NRP1: variants seen among roughly 807,000 people sequenced by gnomAD.
NRP1 encodes neuropilin-1.
In NRP1, 35 loss-of-function variants were observed where a neutral mutation model predicts 106.7. The ratio of observed to expected loss-of-function variants is 0.33; its 90% CI spans 0.25 to 0.43. NRP1 has a LOEUF of 0.43. NRP1 is among the 20% of genes least tolerant of loss of function. The pLI, the probability that NRP1 is intolerant of heterozygous loss-of-function variation, is 1.00. For synonymous variants in NRP1, 437 were observed against 417.9 expected, an observed-to-expected ratio of 1.05 and a Z score of -0.56; for missense variants, 1,024 against 1,170.4, an observed-to-expected ratio of 0.87 and a Z score of 1.83.
At chr10:33,333,173 A>G (rs1426135811) in intron 1 of NRP1, among the ~76,000 whole-genome samples, 3 of 152,292 alleles carry the variant, frequency 2.0e-5, no homozygotes, top group East Asian at 3.9e-4. Flanking sequence ...CTTTCCTGCC[A>G]GATTATAGAA....
intron 8 of NRP1, among the ~76,000 whole-genome samples, chr10:33,220,900 C>CAAAAA (rs35895871): frequency 6.6e-5 from 4 of 60,674 alleles, no homozygotes; most frequent in Admixed American, 2.0e-4. Flanking sequence ...GGCTCAGTCT[C>CAAAAA]AAAAAAAAAA....
chr10:33,182,286 G>A (rs577628691), intron 16 of NRP1, among the ~76,000 whole-genome samples: 1 of 152,272 alleles, frequency 6.6e-6, no homozygotes, highest in African/African-American at 2.4e-5. Context: ...ATCCTAGCTG[G>A]ATATCAACAA....
At chr10:33,261,726 C>A (rs1842587198) in intron 4 of NRP1, among the ~76,000 whole-genome samples, 1 of 152,040 alleles carries the variant, frequency 6.6e-6, no homozygotes, top group African/African-American at 2.4e-5. Flanking sequence ...AAGGCAATCT[C>A]CTTTACATTT....
At chr10:33,249,117 G>T (rs1841657488) in intron 6 of NRP1, among the ~76,000 whole-genome samples, 1 of 99,674 alleles carries the variant, frequency 1.0e-5, no homozygotes, top group African/African-American at 4.6e-5. Flanking sequence ...TTGTCTCCTG[G>T]CATTTTAATC....
intron 4 of NRP1, among the ~76,000 whole-genome samples, chr10:33,258,610 A>G (rs1336290740): frequency 6.6e-6 from 1 of 152,206 alleles, no homozygotes; most frequent in Non-Finnish European, 1.5e-5. Context: ...GGCAGAAGAA[A>G]GCATCTCAGA....
At chr10:33,208,805 AGAACC>A (rs1295202863) in intron 9 of NRP1, among the ~76,000 whole-genome samples, 9 of 152,104 alleles carry the variant, frequency 5.9e-5, no homozygotes, top group African/African-American at 1.9e-4. Context: ...TTGTTTATAT[AGAACC>A]TAATCTATGA....
At chr10:33,238,415 T>C (rs1158347566) in intron 6 of NRP1, among the ~76,000 whole-genome samples, 2 of 152,214 alleles carry the variant, frequency 1.3e-5, no homozygotes, top group Non-Finnish European at 2.9e-5. Context: ...TAATATCCAG[T>C]CCAGTGTGGA....
rs562517886 is a variant in NRP1 at position 33,302,090 on chromosome 10, A to T, written c.248+28618T>A. ...ACTTAGTACAGAGTCTCTGTATAAT[A>T]AAAAAAAATTTCCAATTTCTCCAAA... On this transcript the variant is annotated intron_variant, in intron 2 of 16. Transcript: ENST00000374867. Among the ~76,000 whole-genome samples the T allele has an allele frequency of 2.6e-5, 4 of 151,948 alleles. No individual in the cohort carries two copies. In the South Asian group the frequency reaches 8.3e-4, roughly 32 times the overall value.
chr10:33,255,308 G>A (rs1588857028), intron 5 of NRP1, among the ~76,000 whole-genome samples: 1 of 152,038 alleles, frequency 6.6e-6, no homozygotes, highest in African/African-American at 2.4e-5. Context: ...AATTTCACTG[G>A]CCTCTTTATT....
rs1160989838 is a variant in NRP1 at position 33,303,504 on chromosome 10, A to C, written c.248+27204T>G. On this transcript the variant is annotated intron_variant, in intron 2 of 16. Coordinates refer to ENST00000374867, the MANE Select transcript of NRP1 (RefSeq NM_003873.7). The stretch of plus-strand genomic sequence containing the variant: ...CCTTCCATACTTTTTAGGTACGAGC[A>C]TCGGTAAACAGTTTCGTATTTAAAC... Among the ~76,000 whole-genome samples, 4 of 152,338 alleles carry C rather than the reference A, an allele frequency of 2.6e-5. No individual in the cohort carries two copies. The East Asian group carries it at 5.8e-4, about 22-fold the overall frequency.
chr10:33,293,668 G>T (rs187794398), intron 2 of NRP1, among the ~76,000 whole-genome samples: 1 of 152,182 alleles, frequency 6.6e-6, no homozygotes, highest in Non-Finnish European at 1.5e-5. Context: ...GCAAAGAGGG[G>T]AGAGAAAACA....
In NRP1 at chr10:33,256,335, C is replaced by T; in HGVS notation, c.795G>A (p.Leu265=). The change falls in exon 5 of 17, where the codon TTG becomes TTA. Residue 265 remains leucine (L), a synonymous_variant. Coordinates refer to ENST00000374867, the MANE Select transcript of NRP1 (RefSeq NM_003873.7). ...ACTGACCTTCTGAGACACTGCTCTG[C>T]AAGACACTGTAGTTTGCTGAGAAAC... ...KEGFSANYSV[L]QSSVSEDFKC... 1 of 1,614,210 alleles carries T rather than the reference C, an allele frequency of 6.2e-7. No homozygotes were observed. Among genetic ancestry groups the T allele is most frequent in the Non-Finnish European group, 8.5e-7 (1 of 1,180,026 alleles).
rs1838518711 is a variant in NRP1, at chr10:33,213,700, T to C, written c.1300A>G (p.Met434Val). The stretch of plus-strand genomic sequence containing the variant: ...ATAAGTCCAGACACCATACCCAACA[T>C]TCCAGAGCAAGGATAATCTGGGAAG... ...CKITDYPCSG[M>V]LGMVSGLISD... is the part of the protein sequence containing the mutation. Residue 434 changes from methionine (M) to valine (V), a missense_variant, in exon 9 of 17, where the codon ATG becomes GTG. Met to Val is a conservative substitution (Grantham distance 21). Around this residue, in one of 5 missense-constraint regions of NRP1, gnomAD observed 562 missense variants for 620.3 expected, o/e 0.91. Coordinates refer to ENST00000374867, the MANE Select transcript of NRP1 (RefSeq NM_003873.7). The C allele has an allele frequency of 6.3e-7, 1 of 1,594,902 alleles. No homozygotes were observed. Among genetic ancestry groups the C allele is most frequent in the Admixed American group, 1.7e-5 (1 of 57,818 alleles).
intron 2 of NRP1, among the ~76,000 whole-genome samples, chr10:33,280,036 G>A (rs1458547066): frequency 6.6e-6 from 1 of 152,158 alleles, no homozygotes; most frequent in Non-Finnish European, 1.5e-5. Context: ...CACGTCTAGA[G>A]ACAGAAAAGT....
chr10:33,258,745 T>C (rs932766403), intron 4 of NRP1, among the ~76,000 whole-genome samples: 4 of 152,216 alleles, frequency 2.6e-5, no homozygotes, highest in South Asian at 2.1e-4. Flanking sequence ...CTAGTAGTAA[T>C]GCAACACTTT....
At chr10:33,255,982 C>T (rs1159328258) in intron 5 of NRP1, among the ~76,000 whole-genome samples, 1 of 152,164 alleles carries the variant, frequency 6.6e-6, no homozygotes, top group African/African-American at 2.4e-5. Context: ...GATGCCTGTC[C>T]TCTTATGATG....
rs1842739660 is a variant in NRP1 at position 33,263,796 on chromosome 10, T to C, written c.508A>G (p.Ser170Gly). The change falls in exon 4 of 17, where the codon AGC becomes GGC. Residue 170 changes from serine to glycine, a missense_variant. This residue lies in a region of NRP1 where 279 missense variants were observed against 327.4 expected (regional missense o/e 0.85). Transcript: ENST00000374867. ...SPGFPEKYPN[S>G]LECTYIVFVP... ...AAGACAATATAAGTGCATTCAAGGC[T>C]GTTGGGATATTTTTCAGGGAATCCG... is the stretch of plus-strand genomic sequence containing the variant. 1.9e-6 allele frequency: 3 copies of C among 1,613,888 alleles called. No individual in the cohort carries two copies. The Admixed American group carries it at 5.0e-5, about 27-fold the overall frequency.
intron 15 of NRP1, among the ~76,000 whole-genome samples, chr10:33,182,983 G>A (rs1171251227): frequency 6.6e-6 from 1 of 152,126 alleles, no homozygotes; most frequent in Non-Finnish European, 1.5e-5. Context: ...CTGCCTTTAA[G>A]GTGCCATATC....
In NRP1 at chr10:33,324,014, A is replaced by G. The variant is rs11009341; in HGVS notation, c.248+6694T>C. Among the ~76,000 whole-genome samples, 203 of 152,286 alleles carry G rather than the reference A, an allele frequency of 1.3e-3. 4 individuals carry two copies. In the East Asian group the frequency reaches 0.025, roughly 19 times the overall value. On this transcript the variant is annotated intron_variant, in intron 2 of 16. Coordinates refer to ENST00000374867, the MANE Select transcript of NRP1 (RefSeq NM_003873.7). ...ATTCAGTCTGATAAGATTTCAACCA[A>G]CCTTCTCCTTTAGCTCGCAAAAGTT... is the stretch of plus-strand genomic sequence containing the variant.
Sources: gnomAD v4.1 joint callset for allele counts (sites outside exome capture counted in the v4.1 genomes callset) on GRCh38, gnomAD v4.1.1 for gene constraint, gnomAD v4.1.1 regional missense constraint, MANE v1.5 for transcripts, NCBI Gene and HGNC (gene_info 2026-07-23, HGNC 2026-07-21) for gene names.